Variants in SMYD3 observed in about 807,000 individuals in gnomAD.
SMYD3 encodes the protein histone-lysine N-methyltransferase SMYD3.
In SMYD3, 36 loss-of-function variants were observed where a neutral mutation model predicts 57.7. The ratio of observed to expected loss-of-function variants is 0.62; its 90% confidence interval spans 0.48 to 0.82. SMYD3 has a LOEUF of 0.82. Ranked by LOEUF, SMYD3 falls within the 40% of genes least tolerant of loss-of-function variation. The probability of loss-of-function intolerance (pLI) is 0.00; values close to 1 mark genes in which losing one functional copy is unlikely to be tolerated. For synonymous variants in SMYD3, 211 were observed against 195.0 expected (o/e 1.08, Z -0.68); for missense variants, 515 against 538.8 (o/e 0.96, Z 0.44).
At chr1:246,305,177 G>A (rs1239286738) in intron 5 of SMYD3, among the ~76,000 whole-genome samples, 3 of 152,114 alleles carry the variant, frequency 2.0e-5, no homozygotes, top group South Asian at 2.1e-4. Context: ...GAAAGGGTTC[G>A]GAGCACTCAT....
chr1:245,838,263 A>AG lies in SMYD3; in HGVS notation c.1076+20232dup, dbSNP rs1194559975. Among the ~76,000 whole-genome samples, 4 of 152,324 alleles carry AG rather than the reference A, an allele frequency of 2.6e-5. No individual in the cohort carries two copies. The East Asian group carries it at 7.7e-4, about 29-fold the overall frequency. On this transcript the variant is annotated intron_variant, in intron 10 of 11. Coordinates refer to ENST00000490107, the MANE Select transcript of SMYD3 (RefSeq NM_001167740.2). ...GGACAGAGGGGAAGCCTGTGGGCTT[A>AG]GGGGGCACAGACCCCTCCCATGAAG... is the stretch of plus-strand genomic sequence containing the variant.
chr1:245,960,157 G>A (rs991350046), intron 5 of SMYD3, among the ~76,000 whole-genome samples: 2 of 152,120 alleles, frequency 1.3e-5, no homozygotes, highest in Admixed American at 6.5e-5. Flanking sequence ...AATTGGCATT[G>A]ACTTACAAAA....
intron 11 of SMYD3, among the ~76,000 whole-genome samples, chr1:245,763,103 A>T (rs2045923784): frequency 6.6e-6 from 1 of 152,168 alleles, no homozygotes; most frequent in Non-Finnish European, 1.5e-5. Flanking sequence ...AGCGGGTGAA[A>T]CTAACCATCG....
At chr1:245,765,078 AAAAC>A (rs1558313335) in intron 10 of SMYD3, among the ~76,000 whole-genome samples, 8 of 139,568 alleles carry the variant, frequency 5.7e-5, no homozygotes, top group African/African-American at 5.5e-5. Context: ...ACACACACAC[AAAAC>A]CACAGTTTAA....
intron 10 of SMYD3, among the ~76,000 whole-genome samples, chr1:245,791,972 G>GTGTGTC (rs2047293659): frequency 6.6e-6 from 1 of 151,870 alleles, no homozygotes; most frequent in Non-Finnish European, 1.5e-5. Context: ...GTGTGTGTGT[G>GTGTGTC]TGTGTGTGTG....
chr1:245,872,849 C>T (rs2052284706), intron 8 of SMYD3, among the ~76,000 whole-genome samples: 1 of 152,224 alleles, frequency 6.6e-6, no homozygotes, highest in African/African-American at 2.4e-5. Flanking sequence ...TTCATAGCTT[C>T]TGGGAAACGG....
At chr1:246,182,931 C>T (rs559974219) in intron 5 of SMYD3, among the ~76,000 whole-genome samples, 1 of 152,198 alleles carries the variant, frequency 6.6e-6, no homozygotes, top group South Asian at 2.1e-4. Flanking sequence ...CTAACTGAGC[C>T]CCTAAGTACA....
At chr1:246,425,706 G>C (rs1433055114) in intron 1 of SMYD3, among the ~76,000 whole-genome samples, 1 of 152,134 alleles carries the variant, frequency 6.6e-6, no homozygotes, top group Non-Finnish European at 1.5e-5. Flanking sequence ...CCCTGTAGTG[G>C]CTTCATTCTG....
rs114472878 is a variant in SMYD3 at position 246,063,058 on chromosome 1, A to C, written c.532-133121T>G. Among the ~76,000 whole-genome samples the C allele has an allele frequency of 4.6e-3, 701 of 152,192 alleles. 4 individuals are homozygous for C. Among genetic ancestry groups the C allele is most frequent in the African/African-American group, 0.016 (668 of 41,498 alleles). Reference sequence around the variant, plus strand: ...ACTGCATCAGGAAGAGCCCAAGACCACCTTCAGTTTCAGTTATCTACTAGG... The same window carrying C: ...ACTGCATCAGGAAGAGCCCAAGACCCCCTTCAGTTTCAGTTATCTACTAGG... On this transcript the variant is annotated intron_variant, in intron 5 of 11. Coordinates refer to ENST00000490107, the MANE Select transcript of SMYD3 (RefSeq NM_001167740.2).
At chr1:246,249,394 G>A (rs1041671785) in intron 5 of SMYD3, among the ~76,000 whole-genome samples, 8 of 152,054 alleles carry the variant, frequency 5.3e-5, no homozygotes, top group Admixed American at 3.3e-4. Flanking sequence ...ATGAGCCACC[G>A]TACCTGGCCT....
At chr1:246,384,820 C>T (rs1052688060) in intron 1 of SMYD3, among the ~76,000 whole-genome samples, 1 of 152,168 alleles carries the variant, frequency 6.6e-6, no homozygotes, top group Non-Finnish European at 1.5e-5. Flanking sequence ...CAGTAAAAGA[C>T]AACTAAGGTA....
intron 5 of SMYD3, among the ~76,000 whole-genome samples, chr1:245,985,302 T>C (rs2058681274): frequency 6.6e-6 from 1 of 152,324 alleles, no homozygotes; most frequent in Admixed American, 6.5e-5. Flanking sequence ...GGCTCTCAAA[T>C]CTAGACTTCT....
At chr1:246,373,567 C>A (rs2066223317) in intron 1 of SMYD3, among the ~76,000 whole-genome samples, 1 of 151,986 alleles carries the variant, frequency 6.6e-6, no homozygotes, top group South Asian at 2.1e-4. Flanking sequence ...ATGCTAAATA[C>A]AAAAATCTAA....
At chr1:245,802,248 CATGGA>C (rs1558356808) in intron 10 of SMYD3, among the ~76,000 whole-genome samples, 3 of 152,004 alleles carry the variant, frequency 2.0e-5, no homozygotes, top group African/African-American at 7.3e-5. Context: ...GTGTTCCTGG[CATGGA>C]GTTCTAGAAG....
intron 1 of SMYD3, among the ~76,000 whole-genome samples, chr1:246,458,291 A>C (rs1047072971): frequency 3.3e-5 from 5 of 152,196 alleles, no homozygotes; most frequent in African/African-American, 1.2e-4. Flanking sequence ...AGATGAGAAA[A>C]GGAGAGTTAA....
At chr1:246,426,663 A>G (rs560962094) in intron 1 of SMYD3, among the ~76,000 whole-genome samples, 1 of 152,236 alleles carries the variant, frequency 6.6e-6, no homozygotes, top group African/African-American at 2.4e-5. Context: ...AATGCCTCCA[A>G]CTGTTTCCTC....
chr1:246,200,525 G>GA (rs1435064429), intron 5 of SMYD3, among the ~76,000 whole-genome samples: 1 of 151,568 alleles, frequency 6.6e-6, no homozygotes, highest in African/African-American at 2.4e-5. Context: ...CGCTGAGAAA[G>GA]AATGTACACA....
intron 11 of SMYD3, among the ~76,000 whole-genome samples, chr1:245,757,859 G>A (rs1160026281): frequency 6.6e-6 from 1 of 152,052 alleles, no homozygotes; most frequent in Admixed American, 6.5e-5. Context: ...AGAACTGTGA[G>A]TTCTCCATAT....
chr1:245,959,688 G>C (rs1230885767), intron 5 of SMYD3, among the ~76,000 whole-genome samples: 1 of 152,190 alleles, frequency 6.6e-6, no homozygotes, highest in African/African-American at 2.4e-5. Flanking sequence ...TGTCTTCCCT[G>C]TTTGATGGCT....
Sources: gnomAD v4.1 joint callset for allele counts (sites outside exome capture counted in the v4.1 genomes callset) on GRCh38, gnomAD v4.1.1 for gene constraint, MANE v1.5 for transcripts, NCBI Gene and HGNC (gene_info 2026-07-23, HGNC 2026-07-21) for gene names.